KCNJ10: variants seen among roughly 807,000 people sequenced by gnomAD.
KCNJ10 encodes potassium inwardly rectifying channel subfamily J member 10.
A neutral mutation model predicts 22.2 loss-of-function variants in KCNJ10; 9 were observed. The observed-to-expected ratio is 0.40, with a 90% CI of 0.24 to 0.71. KCNJ10 has a LOEUF of 0.71. Among genes scored for constraint, KCNJ10 ranks in the 30% least tolerant of loss-of-function variants. The pLI is 0.35. For missense variants in KCNJ10, 337 were observed against 482.7 expected, an observed-to-expected ratio of 0.70 and a Z score of 2.83; for synonymous variants, 184 against 187.3, an observed-to-expected ratio of 0.98 and a Z score of 0.15.
rs1264459433 is a variant in KCNJ10 at position 160,042,202 on chromosome 1, G to C, written c.331C>G (p.Gln111Glu). The C allele has an allele frequency of 3.7e-6, 6 of 1,612,784 alleles. No homozygotes were observed. In the Admixed American group the frequency reaches 1.0e-4, roughly 27 times the overall value. The change falls in exon 2 of 2, where the codon CAG (glutamine) becomes GAG (glutamate). Residue 111 changes from glutamine to glutamate, a missense_variant. Gln to Glu is a conservative substitution (Grantham distance 29, BLOSUM62 2). Transcript: ENST00000644903. Reference protein sequence around the residue: ...PPANHTPCVVQVHTLTGAFLF... With the variant: ...PPANHTPCVVEVHTLTGAFLF... The stretch of plus-strand genomic sequence containing the variant: ...AAGGCTCCAGTGAGTGTGTGCACCT[G>C]TACCACACAGGGGGTGTGGTTGGCC...
rs1277502033 is a variant in KCNJ10, at chr1:160,038,166, G to A, written c.*3227C>T. On this transcript the variant is annotated 3_prime_UTR_variant, in exon 2 of 2. Coordinates refer to ENST00000644903, the MANE Select transcript of KCNJ10 (RefSeq NM_002241.5). ...TGCCTCCCATACACCAAAGTGTTCA[G>A]CTCCTGAGTTTGATTTCAGGGGCTA... 1 of 152,226 alleles carries A rather than the reference G, an allele frequency of 6.6e-6. No individual in the cohort carries two copies. Among genetic ancestry groups the A allele is most frequent in the African/African-American group, 2.4e-5 (1 of 41,448 alleles). 9.4% of individuals were successfully genotyped at this position (152,226 alleles called of 1,614,324 possible). A position where few individuals can be genotyped will look rare whatever the true frequency, so the allele number is the denominator to read the frequency against.
At chr1:160,049,939 T>C (rs1648862414) in intron 1 of KCNJ10, among the ~76,000 whole-genome samples, 1 of 151,232 alleles carries the variant, frequency 6.6e-6, no homozygotes. Flanking sequence ...TCTGGGGCCT[T>C]CTCATTCCCC....
chr1:160,064,407 C>A (rs1557974726), intron 1 of KCNJ10, among the ~76,000 whole-genome samples: 1 of 152,158 alleles, frequency 6.6e-6, no homozygotes, highest in African/African-American at 2.4e-5. Context: ...TTGATTAAGC[C>A]AGATGTTTAA....
chr1:160,053,191 C>T (rs1358479686), intron 1 of KCNJ10, among the ~76,000 whole-genome samples: 1 of 152,080 alleles, frequency 6.6e-6, no homozygotes, highest in Non-Finnish European at 1.5e-5. Context: ...GCAGTCTGGT[C>T]CCACTCCTCC....
intron 1 of KCNJ10, among the ~76,000 whole-genome samples, chr1:160,043,171 A>G (rs974594226): frequency 1.3e-5 from 2 of 151,842 alleles, no homozygotes; most frequent in Non-Finnish European, 2.9e-5. Context: ...AGTCCTCCGA[A>G]GAGCTCTAAT....
At chr1:160,067,729 C>T (rs942379285) in intron 1 of KCNJ10, among the ~76,000 whole-genome samples, 3 of 152,160 alleles carry the variant, frequency 2.0e-5, no homozygotes, top group African/African-American at 7.2e-5. Flanking sequence ...CTTTTCCTCC[C>T]CACCAATGCC....
In KCNJ10 at chr1:160,041,846, G is replaced by A. The variant is rs2101924803; in HGVS notation, c.687C>T (p.Ile229=). Residue 229 remains isoleucine, a synonymous_variant, in exon 2 of 2, where the codon ATC becomes ATT. Transcript: ENST00000644903. The surrounding 1 kb of genome is among the most constrained non-coding windows in gnomAD (Gnocchi z 4.4). The part of the protein sequence containing the change: ...QTHQTKEGEN[I]RLNQVNVTFQ... ...AAGTCACATTGACCTGGTTGAGCCG[G>A]ATGTTCTCCCCTTCCTTGGTTTGGT... 1 of 1,614,210 alleles carries A rather than the reference G, an allele frequency of 6.2e-7. No individual in the cohort carries two copies. The highest frequency in any genetic ancestry group is 8.5e-7 in the Non-Finnish European group (1 of 1,180,038).
In KCNJ10 at chr1:160,062,178, G is replaced by C. The variant is rs1039693445; in HGVS notation, c.-1+7844C>G. ...CATCTCCCCAGCCTGCCCAGAGAGT[G>C]GGGGAGTCACCTCCTGCCCATCCCC... On this transcript the variant is annotated intron_variant, in intron 1 of 1. Transcript: ENST00000644903. 3.3e-5 allele frequency among the ~76,000 whole-genome samples: 5 copies of C among 152,148 alleles called. No individual in the cohort carries two copies. The East Asian group carries it at 5.8e-4, about 18-fold the overall frequency.
chr1:160,062,630 G>A (rs948404909), intron 1 of KCNJ10: 2 of 152,290 alleles, frequency 1.3e-5, no homozygotes, highest in African/African-American at 4.8e-5. Context: ...CACGGGGACT[G>A]GTAGGAGTGG....
rs935548778 is a variant in KCNJ10 at position 160,041,738 on chromosome 1, C to T, written c.795G>A (p.Leu265=). 4 of 1,614,108 alleles carry T rather than the reference C, an allele frequency of 2.5e-6. No individual in the cohort carries two copies. The highest frequency in any genetic ancestry group is 3.4e-6 in the Non-Finnish European group (4 of 1,180,016). Residue 265 remains leucine (L), a synonymous_variant, in exon 2 of 2, where the codon TTG becomes TTA. Coordinates refer to ENST00000644903, the MANE Select transcript of KCNJ10 (RefSeq NM_002241.5). This position sits in a 1 kb window ranked among gnomAD's most constrained non-coding sequence, Gnocchi z 4.4. The part of the protein sequence containing the change: ...FYHVVDETSP[L]KDLPLRSGEG... The stretch of plus-strand genomic sequence containing the variant: ...CACCACTGCGAAGAGGGAGATCTTT[C>T]AAGGGACTGGTCTCATCTACCACAT...
chr1:160,051,130 G>T (rs949693090), intron 1 of KCNJ10, among the ~76,000 whole-genome samples: 1 of 151,784 alleles, frequency 6.6e-6, no homozygotes, highest in Non-Finnish European at 1.5e-5. Flanking sequence ...CACCATGTTG[G>T]CCAGGATGGT....
intron 1 of KCNJ10, among the ~76,000 whole-genome samples, chr1:160,053,128 T>C (rs1648942842): frequency 6.6e-6 from 1 of 152,050 alleles, no homozygotes; most frequent in African/African-American, 2.4e-5. Context: ...TAGAGGATGA[T>C]TAGGGTCACT....
chr1:160,061,773 A>T (rs890820532), intron 1 of KCNJ10, among the ~76,000 whole-genome samples: 1 of 21,850 alleles, frequency 4.6e-5, no homozygotes, highest in African/African-American at 1.9e-4. Context: ...GGGTGGAGGG[A>T]GGGTGGGTGT....
At chr1:160,067,365 A>G (rs764817790) in intron 1 of KCNJ10, among the ~76,000 whole-genome samples, 2 of 152,260 alleles carry the variant, frequency 1.3e-5, no homozygotes, top group Non-Finnish European at 2.9e-5. Context: ...GAAGAAAAGC[A>G]TTGAACTCAG....
At chr1:160,048,751 C>T in intron 1 of KCNJ10, among the ~76,000 whole-genome samples, 1 of 152,228 alleles carries the variant, frequency 6.6e-6, no homozygotes, top group South Asian at 2.1e-4. Flanking sequence ...TCATCTCAAA[C>T]TCTCTTCTTG....
chr1:160,047,416 T>C (rs762392420), intron 1 of KCNJ10, among the ~76,000 whole-genome samples: 48 of 152,318 alleles, frequency 3.2e-4, no homozygotes, highest in Middle Eastern at 6.8e-3. Context: ...GTTTTCTCTG[T>C]AGCCTCTCAG....
chr1:160,041,156 T>C lies in KCNJ10; in HGVS notation c.*237A>G, dbSNP rs886045412. 1.4e-5 allele frequency: 8 copies of C among 572,424 alleles called. No homozygotes were observed. The highest frequency in any genetic ancestry group is 3.1e-6 in the Non-Finnish European group (1 of 319,456). 35.5% of individuals were successfully genotyped at this position (572,424 alleles called of 1,614,324 possible). A position where few individuals can be genotyped will look rare whatever the true frequency, so the allele number is the denominator to read the frequency against. ...CAGCCTAATCCCACTCTTTCCCCCA[T>C]CCTGGCTTAAGGGAGGTATGTGTAT... On this transcript the variant is annotated 3_prime_UTR_variant, in exon 2 of 2. Transcript: ENST00000644903. The surrounding 1 kb of genome is among the most constrained non-coding windows in gnomAD (Gnocchi z 4.4).
rs1238002925 is a variant in KCNJ10 at position 160,038,998 on chromosome 1, G to C, written c.*2395C>G. 1 of 152,568 alleles carries C rather than the reference G, an allele frequency of 6.6e-6. No individual in the cohort carries two copies. Among genetic ancestry groups the C allele is most frequent in the African/African-American group, 2.4e-5 (1 of 41,442 alleles). The allele number at this position is 152,568 out of a possible 1,614,324, so 9.5% of individuals were successfully genotyped here. ...TGGTATGGGGGCCCATTTCTCACCA[G>C]ACCTGGCTGCTTCTAAAGCTCGGCC... is the stretch of plus-strand genomic sequence containing the variant. On this transcript the variant is annotated 3_prime_UTR_variant, in exon 2 of 2. Coordinates refer to ENST00000644903, the MANE Select transcript of KCNJ10 (RefSeq NM_002241.5).
intron 1 of KCNJ10, among the ~76,000 whole-genome samples, chr1:160,044,982 C>A (rs1648704731): frequency 6.6e-6 from 1 of 152,180 alleles, no homozygotes; most frequent in Non-Finnish European, 1.5e-5. Flanking sequence ...CACTGCACTG[C>A]AGCCTGGGCA....
Sources: gnomAD v4.1 joint callset for allele counts (sites outside exome capture counted in the v4.1 genomes callset) on GRCh38, gnomAD v4.1.1 for gene constraint, Gnocchi (gnomAD v3.1) non-coding constraint, MANE v1.5 for transcripts, NCBI Gene and HGNC (gene_info 2026-07-23, HGNC 2026-07-21) for gene names.